IL1RAPL1: variants seen among roughly 807,000 people sequenced by gnomAD.
IL1RAPL1 encodes interleukin-1 receptor accessory protein-like 1.
IL1RAPL1 carries 3 observed loss-of-function variants against 48.4 expected under a neutral mutation model. The ratio of observed to expected loss-of-function variants is 0.06; its 90% confidence interval spans 0.03 to 0.16. The LOEUF is 0.16. IL1RAPL1 is among the 10% of genes least tolerant of loss of function. The probability of loss-of-function intolerance (pLI) is 1.00; values close to 1 mark genes in which losing one functional copy is unlikely to be tolerated. For synonymous variants in IL1RAPL1, 185 were observed against 187.7 expected (o/e 0.99, Z 0.12); for missense variants, 349 against 530.6 (o/e 0.66, Z 3.36).
At chrX:29,085,600 A>T (rs1927935938) in intron 2 of IL1RAPL1, among the ~76,000 whole-genome samples, 1 of 112,237 alleles carries the variant, frequency 8.9e-6, no homozygotes, top group Non-Finnish European at 1.9e-5. Context: ...TACCCATTAA[A>T]TATAAAGGTA....
rs5901934 is a variant in IL1RAPL1 at position 29,846,801 on chromosome X, T to TAC, written c.779-70644_779-70643dup. Among the ~76,000 whole-genome samples, 801 of 99,540 alleles carry TAC rather than the reference T, an allele frequency of 8.0e-3. 8 individuals carry two copies. Among genetic ancestry groups the TAC allele is most frequent in the African/African-American group, 0.027 (739 of 27,131 alleles). The allele number at this position is 99,540 out of a possible 115,157, so 86.4% of individuals were successfully genotyped here. ...ATGTATATATGTATATATATGTATATACACACACACACACACACACGTATA... is the reference window on the plus strand; with the variant it reads ...ATGTATATATGTATATATATGTATATACACACACACACACACACACACGTATA... On this transcript the variant is annotated intron_variant, in intron 6 of 10. Transcript: ENST00000378993.
At position 29,482,483 on chromosome X, in the gene IL1RAPL1, G is replaced by A. The variant is rs866990230; in HGVS notation, c.703+83175G>A. On this transcript the variant is annotated intron_variant, in intron 5 of 10. Transcript: ENST00000378993. ...TTAAAATGTTCCTGGTACATAGTAT[G>A]CACAAAGTTAGTGTTTATTAAATAG... Among the ~76,000 whole-genome samples the A allele has an allele frequency of 8.0e-4, 90 of 112,275 alleles. 2 individuals carry two copies. The highest frequency in any genetic ancestry group is 2.5e-3 in the African/African-American group (77 of 31,010).
At chrX:29,645,774 TTGGTGACCA>T (rs1315230166) in intron 5 of IL1RAPL1, among the ~76,000 whole-genome samples, 1 of 111,878 alleles carries the variant, frequency 8.9e-6, no homozygotes, top group African/African-American at 3.3e-5. Flanking sequence ...TGCACCAACA[TTGGTGACCA>T]TAGGATTCTA....
intron 5 of IL1RAPL1, among the ~76,000 whole-genome samples, chrX:29,488,864 C>T (rs889958542): frequency 2.7e-5 from 3 of 112,165 alleles, no homozygotes; most frequent in African/African-American, 6.5e-5. Flanking sequence ...GTGGGGGAGA[C>T]GCCCCTTTGG....
In IL1RAPL1 at chrX:28,998,263, T is replaced by C. The variant is rs756066276; in HGVS notation, c.82+208838T>C. Among the ~76,000 whole-genome samples the C allele has an allele frequency of 2.7e-4, 30 of 110,497 alleles. No homozygotes were observed. In the South Asian group the frequency reaches 0.011, roughly 40 times the overall value. On this transcript the variant is annotated intron_variant, in intron 2 of 10. Coordinates refer to ENST00000378993, the MANE Select transcript of IL1RAPL1 (RefSeq NM_014271.4). Reference sequence around the variant, plus strand: ...GTATTAGAAATAACAACTGAGACTATTCAGGAAAAAAAAAATGGCACTCTT... The same window carrying C: ...GTATTAGAAATAACAACTGAGACTACTCAGGAAAAAAAAAATGGCACTCTT...
intron 5 of IL1RAPL1, among the ~76,000 whole-genome samples, chrX:29,404,660 T>C (rs1219377950): frequency 8.9e-6 from 1 of 111,980 alleles, no homozygotes; most frequent in African/African-American, 3.2e-5. Context: ...ATCTTTTACA[T>C]CAATTTAGAA....
intron 2 of IL1RAPL1, among the ~76,000 whole-genome samples, chrX:29,067,036 TTTC>T (rs960917368): frequency 9.0e-6 from 1 of 111,294 alleles, no homozygotes; most frequent in African/African-American, 3.3e-5. Flanking sequence ...TTTGGTAGAG[TTTC>T]TTCATTTGCT....
chrX:28,964,951 C>T (rs1924883331), intron 2 of IL1RAPL1, among the ~76,000 whole-genome samples: 1 of 111,401 alleles, frequency 9.0e-6, no homozygotes, highest in Non-Finnish European at 1.9e-5. Flanking sequence ...GTTTAGTTCT[C>T]ACTAAAGATA....
intron 1 of IL1RAPL1, among the ~76,000 whole-genome samples, chrX:28,673,403 A>G (rs1164501747): frequency 8.9e-6 from 1 of 112,148 alleles, no homozygotes; most frequent in Non-Finnish European, 1.9e-5. Context: ...CTGGAAGACA[A>G]CCTAGGCAGT....
At chrX:29,503,690 C>T (rs1225227581) in intron 5 of IL1RAPL1, among the ~76,000 whole-genome samples, 2 of 110,783 alleles carry the variant, frequency 1.8e-5, no homozygotes, top group East Asian at 5.6e-4. Context: ...CACTCTGTCA[C>T]CCAAGCTGGA....
intron 1 of IL1RAPL1, among the ~76,000 whole-genome samples, chrX:28,641,281 T>C (rs1347847644): frequency 3.6e-5 from 4 of 110,086 alleles, no homozygotes; most frequent in Non-Finnish European, 7.6e-5. Context: ...GTTCTCATTG[T>C]TCAACTCCCA....
rs1490346773 is a variant in IL1RAPL1 at position 28,821,060 on chromosome X, A to T, written c.82+31635A>T. Among the ~76,000 whole-genome samples, 5 of 111,685 alleles carry T rather than the reference A, an allele frequency of 4.5e-5. No individual in the cohort carries two copies. In the East Asian group the frequency reaches 1.1e-3, roughly 25 times the overall value. On this transcript the variant is annotated intron_variant, in intron 2 of 10. Coordinates refer to ENST00000378993, the MANE Select transcript of IL1RAPL1 (RefSeq NM_014271.4). ...ACACCGGACGCTGTCAAGCACAGAG[A>T]GGTGTTTGGTAAAAAATATTAAAAG...
At chrX:28,981,877 T>C (rs1380216168) in intron 2 of IL1RAPL1, among the ~76,000 whole-genome samples, 1 of 111,415 alleles carries the variant, frequency 9.0e-6, no homozygotes, top group Non-Finnish European at 1.9e-5. Flanking sequence ...GCCCTACTTA[T>C]CTCCCTTTAA....
At chrX:28,874,150 C>T (rs958854526) in intron 2 of IL1RAPL1, among the ~76,000 whole-genome samples, 2 of 111,058 alleles carry the variant, frequency 1.8e-5, no homozygotes, top group African/African-American at 3.3e-5. Flanking sequence ...ACTGTCAACA[C>T]GTAACAATAA....
intron 1 of IL1RAPL1, among the ~76,000 whole-genome samples, chrX:28,728,855 C>T (rs1381061256): frequency 5.4e-5 from 6 of 111,329 alleles, no homozygotes. Flanking sequence ...CATGTCCTTC[C>T]ACAGTGTTTT....
chrX:29,589,187 C>T (rs1301329161), intron 5 of IL1RAPL1, among the ~76,000 whole-genome samples: 1 of 112,003 alleles, frequency 8.9e-6, no homozygotes, highest in Non-Finnish European at 1.9e-5. Context: ...ATGCATTTTC[C>T]AAGCCATTGA....
chrX:29,033,545 C>T (rs1346476317), intron 2 of IL1RAPL1, among the ~76,000 whole-genome samples: 5 of 110,777 alleles, frequency 4.5e-5, no homozygotes, highest in Non-Finnish European at 9.4e-5. Flanking sequence ...GGATAACACA[C>T]GACAACTCAA....
intron 2 of IL1RAPL1, among the ~76,000 whole-genome samples, chrX:29,273,743 G>C (rs1013288100): frequency 9.0e-6 from 1 of 110,545 alleles, no homozygotes; most frequent in Non-Finnish European, 1.9e-5. Context: ...ACTTGCAGAG[G>C]CAGGGTTTCC....
At chrX:29,392,707 AG>A (rs1277543670) in intron 3 of IL1RAPL1, among the ~76,000 whole-genome samples, 1 of 112,184 alleles carries the variant, frequency 8.9e-6, no homozygotes, top group Non-Finnish European at 1.9e-5. Flanking sequence ...TCTGAAGATT[AG>A]GGGACATTTG....
Sources: gnomAD v4.1 joint callset for allele counts (sites outside exome capture counted in the v4.1 genomes callset) on GRCh38, gnomAD v4.1.1 for gene constraint, MANE v1.5 for transcripts, NCBI Gene and HGNC (gene_info 2026-07-23, HGNC 2026-07-21) for gene names.